Variants in ROBO1 observed in about 807,000 individuals in gnomAD.
The protein encoded by ROBO1 is roundabout guidance receptor 1, also known as roundabout homolog 1.
ROBO1 carries 149 observed loss-of-function variants against 195.9 expected under a neutral mutation model. The observed-to-expected ratio is 0.76, with a 90% CI of 0.67 to 0.87. The LOEUF (loss-of-function observed/expected upper bound fraction) is 0.87, where lower values mean the gene tolerates loss of function less well. ROBO1 is among the 40% of genes least tolerant of loss of function. The probability of loss-of-function intolerance (pLI) is 0.00; values close to 1 mark genes in which losing one functional copy is unlikely to be tolerated. For synonymous variants in ROBO1, 816 were observed against 733.2 expected (o/e 1.11, Z -1.82); for missense variants, 1,933 against 2,068.3 (o/e 0.93, Z 1.27).
At chr3:79,540,474 A>T (rs1942023312) in intron 2 of ROBO1, among the ~76,000 whole-genome samples, 1 of 152,074 alleles carries the variant, frequency 6.6e-6, no homozygotes. Flanking sequence ...ATCCAATCCT[A>T]TTAATATGCT....
intron 26 of ROBO1, among the ~76,000 whole-genome samples, chr3:78,619,535 G>A (rs1704324381): frequency 6.6e-6 from 1 of 151,364 alleles, no homozygotes; most frequent in African/African-American, 2.4e-5. Context: ...GCAGAAGACT[G>A]GATCCTCATC....
intron 2 of ROBO1, among the ~76,000 whole-genome samples, chr3:79,295,346 G>A (rs559993956): frequency 2.6e-5 from 4 of 151,984 alleles, no homozygotes; most frequent in Non-Finnish European, 4.4e-5. Flanking sequence ...AACTAACACA[G>A]GAACATAAAA....
chr3:78,759,376 C>T (rs2108356742), intron 4 of ROBO1: 1 of 128,026 alleles, frequency 7.8e-6, no homozygotes, highest in South Asian at 2.5e-4. Context: ...AAAAAATGAA[C>T]AAATAGAACA....
intron 2 of ROBO1, among the ~76,000 whole-genome samples, chr3:79,246,940 T>A (rs758953757): frequency 6.6e-6 from 1 of 151,756 alleles, no homozygotes; most frequent in African/African-American, 2.4e-5. Flanking sequence ...GATGACAGAG[T>A]TAATCCTTAT....
At chr3:78,704,927 T>C (rs1413856435) in intron 8 of ROBO1, among the ~76,000 whole-genome samples, 1 of 152,242 alleles carries the variant, frequency 6.6e-6, no homozygotes, top group African/African-American at 2.4e-5. Context: ...ATTCACATGT[T>C]AGAAAATTAT....
chr3:79,562,574 T>C (rs1559995222), intron 2 of ROBO1, among the ~76,000 whole-genome samples: 1 of 152,078 alleles, frequency 6.6e-6, no homozygotes, highest in Non-Finnish European at 1.5e-5. Flanking sequence ...AGAGAATGAA[T>C]TGAAGACTAG....
chr3:78,743,586 G>C (rs1282835111), intron 5 of ROBO1, among the ~76,000 whole-genome samples: 1 of 151,548 alleles, frequency 6.6e-6, no homozygotes, highest in African/African-American at 2.4e-5. Context: ...ATATTCATCA[G>C]GATATGCTAT....
intron 2 of ROBO1, among the ~76,000 whole-genome samples, chr3:79,442,835 T>G (rs1270355258): frequency 6.6e-6 from 1 of 152,196 alleles, no homozygotes; most frequent in Non-Finnish European, 1.5e-5. Flanking sequence ...CTTCTCAGGA[T>G]GTATCATAGA....
At chr3:78,973,752 T>A (rs1335652999) in intron 3 of ROBO1, among the ~76,000 whole-genome samples, 1 of 151,748 alleles carries the variant, frequency 6.6e-6, no homozygotes, top group Non-Finnish European at 1.5e-5. Context: ...GCTAAAAATT[T>A]AATTTATTCA....
intron 3 of ROBO1, among the ~76,000 whole-genome samples, chr3:79,123,428 T>C (rs907515904): frequency 2.0e-5 from 3 of 152,070 alleles, no homozygotes; most frequent in African/African-American, 7.2e-5. Context: ...ATTGGTATCT[T>C]TCTTTACAGT....
intron 2 of ROBO1, among the ~76,000 whole-genome samples, chr3:79,335,628 A>G (rs1037803225): frequency 6.6e-6 from 1 of 152,090 alleles, no homozygotes; most frequent in South Asian, 2.1e-4. Flanking sequence ...AGTCAATTAA[A>G]CCTCCTTCAT....
chr3:79,030,902 A>G (rs2078283652), intron 3 of ROBO1, among the ~76,000 whole-genome samples: 1 of 152,026 alleles, frequency 6.6e-6, no homozygotes, highest in African/African-American at 2.4e-5. Context: ...TTGTGTTTTT[A>G]GTAGAGACGG....
intron 2 of ROBO1, among the ~76,000 whole-genome samples, chr3:79,540,909 A>G (rs964271569): frequency 5.9e-5 from 9 of 152,144 alleles, no homozygotes; most frequent in African/African-American, 2.2e-4. Flanking sequence ...ATACTACCAC[A>G]AGTATTCAAC....
chr3:79,141,486 G>A (rs938689943), intron 2 of ROBO1, among the ~76,000 whole-genome samples: 5 of 151,912 alleles, frequency 3.3e-5, no homozygotes, highest in South Asian at 2.1e-4. Context: ...ACCAGAAAGC[G>A]CAGTCGAGGC....
At chr3:79,036,626 A>C (rs2108317963) in intron 3 of ROBO1, among the ~76,000 whole-genome samples, 1 of 152,310 alleles carries the variant, frequency 6.6e-6, no homozygotes, top group African/African-American at 2.4e-5. Context: ...CAAGCATAGT[A>C]AAATTATCAG....
At chr3:79,682,262 T>C (rs1357012305) in intron 1 of ROBO1, among the ~76,000 whole-genome samples, 2 of 152,010 alleles carry the variant, frequency 1.3e-5, no homozygotes, top group African/African-American at 2.4e-5. Context: ...TTTGGCATAA[T>C]TCATATACTT....
Position 79,437,937 on chromosome 3 carries a change from A to G in ROBO1, c.88+151887T>C, listed in dbSNP as rs147278796. Among the ~76,000 whole-genome samples the G allele has an allele frequency of 3.9e-3, 598 of 152,110 alleles. 2 individuals carry two copies. The highest frequency in any genetic ancestry group is 0.014 in the African/African-American group (573 of 41,568). ...GTTCTGACCTTTATGGAAAACTTAG[A>G]TAACTGTGAAAGTAAAAACAAAACA... On this transcript the variant is annotated intron_variant, in intron 2 of 30. Transcript: ENST00000464233.
At chr3:78,810,523 T>C (rs1363692738) in intron 4 of ROBO1, among the ~76,000 whole-genome samples, 1 of 152,158 alleles carries the variant, frequency 6.6e-6, no homozygotes, top group Non-Finnish European at 1.5e-5. Flanking sequence ...AAGTATATTA[T>C]TGGTAGGTAA....
rs778090214 is a variant in ROBO1, at chr3:79,536,872, G to A, written c.88+52952C>T. On this transcript the variant is annotated intron_variant, in intron 2 of 30. Transcript: ENST00000464233. Reference sequence around the variant, plus strand: ...CTCAGATAACATTCTTAAAGTCTGTGTCACTTTTTTCTTCCAATGTGTAGT... The same window carrying A: ...CTCAGATAACATTCTTAAAGTCTGTATCACTTTTTTCTTCCAATGTGTAGT... Among the ~76,000 whole-genome samples, 5 of 152,046 alleles carry A rather than the reference G, an allele frequency of 3.3e-5. No homozygotes were observed. The South Asian group carries it at 1.0e-3, about 32-fold the overall frequency.
Sources: gnomAD v4.1 joint callset for allele counts (sites outside exome capture counted in the v4.1 genomes callset) on GRCh38, gnomAD v4.1.1 for gene constraint, MANE v1.5 for transcripts, NCBI Gene and HGNC (gene_info 2026-07-23, HGNC 2026-07-21) for gene names.